LRRC7: variants seen among roughly 807,000 people sequenced by gnomAD.
LRRC7 encodes leucine-rich repeat-containing protein 7.
A neutral mutation model predicts 175.7 loss-of-function variants in LRRC7; 23 were observed. That is an observed-to-expected ratio of 0.13 (90% CI 0.09 to 0.19). The LOEUF (loss-of-function observed/expected upper bound fraction) is 0.19. LRRC7 is among the 10% of genes least tolerant of loss of function. The pLI, the probability that LRRC7 is intolerant of heterozygous loss-of-function variation, is 1.00. For synonymous variants in LRRC7, 685 were observed against 680.9 expected, an observed-to-expected ratio of 1.01 and a Z score of -0.09; for missense variants, 1,354 against 1,904.7, an observed-to-expected ratio of 0.71 and a Z score of 5.38.
At chr1:69,921,757 T>C (rs1346875290) in intron 7 of LRRC7, among the ~76,000 whole-genome samples, 2 of 152,182 alleles carry the variant, frequency 1.3e-5, no homozygotes, top group Non-Finnish European at 2.9e-5. Flanking sequence ...AAACCTGGTA[T>C]CTTTTTCCTA....
intron 8 of LRRC7, among the ~76,000 whole-genome samples, chr1:69,948,468 G>GTGGA (rs991466975): frequency 5.3e-5 from 8 of 152,130 alleles, no homozygotes; most frequent in African/African-American, 1.9e-4. Flanking sequence ...ATTTCCTCCA[G>GTGGA]TGGATTTTCC....
At chr1:69,891,084 G>A (rs1229271432) in intron 7 of LRRC7, among the ~76,000 whole-genome samples, 1 of 152,210 alleles carries the variant, frequency 6.6e-6, no homozygotes, top group Non-Finnish European at 1.5e-5. Context: ...TTCAAGAAAT[G>A]TTCCTTTGAA....
At chr1:69,683,316 A>G (rs771004875) in intron 2 of LRRC7, among the ~76,000 whole-genome samples, 6 of 152,162 alleles carry the variant, frequency 3.9e-5, no homozygotes, top group East Asian at 1.9e-4. Context: ...TATTCTGTGT[A>G]AGATTCTACC....
chr1:69,650,652 TTGTC>T (rs1279993309), intron 1 of LRRC7, among the ~76,000 whole-genome samples: 3 of 152,158 alleles, frequency 2.0e-5, no homozygotes, highest in Non-Finnish European at 2.9e-5. Flanking sequence ...TGTGAAGTCT[TTGTC>T]TGTGTTTGAT....
In LRRC7 at chr1:69,708,431, C is replaced by CCTTA. The variant is rs538604584; in HGVS notation, c.100+29954_100+29957dup. ...CGAGTTCCTTAAAATATACCACATA[C>CCTTA]CTTAGTGCCTTTTTGAACGTTGTTT... On this transcript the variant is annotated intron_variant, in intron 2 of 26. Transcript: ENST00000651989. Among the ~76,000 whole-genome samples, 27 of 152,246 alleles carry CCTTA rather than the reference C, an allele frequency of 1.8e-4. No homozygotes were observed. In the East Asian group the frequency reaches 5.0e-3, roughly 28 times the overall value.
intron 7 of LRRC7, among the ~76,000 whole-genome samples, chr1:69,854,252 C>A (rs923266591): frequency 1.3e-5 from 2 of 152,122 alleles, no homozygotes; most frequent in Non-Finnish European, 2.9e-5. Flanking sequence ...AATCCTAGCA[C>A]TTTGGGAGGC....
intron 8 of LRRC7, among the ~76,000 whole-genome samples, chr1:69,960,855 G>A (rs7556475): frequency 0.071 from 10,777 of 151,918 alleles, 405 homozygotes; most frequent in South Asian, 0.11. Context: ...GCCATATATG[G>A]CAAAACCACA....
intron 8 of LRRC7, among the ~76,000 whole-genome samples, chr1:69,969,894 C>T (rs1325333426): frequency 1.3e-5 from 2 of 152,114 alleles, no homozygotes; most frequent in Non-Finnish European, 1.5e-5. Context: ...AAATGAGCCT[C>T]AATAAATTCA....
At chr1:69,956,745 CTG>C (rs1403445918) in intron 8 of LRRC7, among the ~76,000 whole-genome samples, 5 of 151,500 alleles carry the variant, frequency 3.3e-5, no homozygotes, top group Non-Finnish European at 5.9e-5. Flanking sequence ...ATAAAACTAA[CTG>C]TAATATATTT....
chr1:70,039,368 G>A lies in LRRC7; in HGVS notation c.3544G>A (p.Gly1182Ser), dbSNP rs61734800. Residue 1182 changes from glycine to serine, a missense_variant, in exon 21 of 27, where the codon GGC becomes AGC. Physicochemically the swap from Gly to Ser is moderately conservative, Grantham distance 56. Transcript: ENST00000651989. Reference protein sequence around the residue: ...PHELPPTDRYGRPPYRGGLDR... With the variant: ...PHELPPTDRYSRPPYRGGLDR... ...TGAGCTGCCCCCAACTGATAGGTAC[G>A]GCAGACCCCCATATAGGGGAGGGCT... is the stretch of plus-strand genomic sequence containing the variant. The A allele has an allele frequency of 6.6e-4, 1,059 of 1,614,032 alleles. 9 individuals carry two copies. The African/African-American group carries it at 0.012, about 18-fold the overall frequency.
chr1:69,867,645 T>C (rs1470916634), intron 7 of LRRC7, among the ~76,000 whole-genome samples: 1 of 152,144 alleles, frequency 6.6e-6, no homozygotes, highest in Non-Finnish European at 1.5e-5. Context: ...GGCAGTGGAA[T>C]GTGGAATACA....
intron 2 of LRRC7, among the ~76,000 whole-genome samples, chr1:69,713,321 C>CAA (rs35881173): frequency 6.7e-6 from 1 of 149,400 alleles, no homozygotes; most frequent in Admixed American, 6.7e-5. Flanking sequence ...CTTGGTCTCT[C>CAA]AAAAAAAAAT....
Position 70,097,454 on chromosome 1 carries a change from CT to C in LRRC7, c.4545+7643del, listed in dbSNP as rs944675952. ...TTAAAGAAAGTTTCACTGAATTTTTCTTTTTTTTACCATTTTTTTATTGTAC... is the reference window on the plus strand; with the variant it reads ...TTAAAGAAAGTTTCACTGAATTTTTCTTTTTTTACCATTTTTTTATTGTAC... On this transcript the variant is annotated intron_variant, in intron 25 of 26. Coordinates refer to ENST00000651989, the MANE Select transcript of LRRC7 (RefSeq NM_001370785.2). Among the ~76,000 whole-genome samples, 14 of 152,014 alleles carry C rather than the reference CT, an allele frequency of 9.2e-5. 1 individual carries two copies. Among genetic ancestry groups the C allele is most frequent in the Non-Finnish European group, 1.5e-4 (10 of 67,946 alleles).
chr1:70,117,439 T>G (rs544601869), intron 26 of LRRC7, among the ~76,000 whole-genome samples: 135 of 152,222 alleles, frequency 8.9e-4, no homozygotes, highest in Non-Finnish European at 1.6e-3. Context: ...TATGATAGAT[T>G]GATGAGCTGT....
At chr1:69,678,349 T>G (rs1176702845) in intron 1 of LRRC7, 32 bp from the exon 2 acceptor site, 1 of 1,422,854 alleles carries the variant, frequency 7.0e-7, no homozygotes, top group Non-Finnish European at 9.7e-7. Context: ...AAAAAAAGAG[T>G]ATGAAAATAC....
chr1:69,717,078 CT>C (rs11331627), intron 2 of LRRC7, among the ~76,000 whole-genome samples: 66,701 of 150,878 alleles, frequency 0.44, 14,951 homozygotes, highest in Admixed American at 0.51. Flanking sequence ...TATATACATA[CT>C]TTTTTTTCAA....
rs567002103 is a variant in LRRC7, at chr1:69,654,083, A to C, written c.3-24298A>C. On this transcript the variant is annotated intron_variant, in intron 1 of 26. Coordinates refer to ENST00000651989, the MANE Select transcript of LRRC7 (RefSeq NM_001370785.2). Reference sequence around the variant, plus strand: ...AATAATCCTGTAATGTACACTTAAAAATTTGTTAAGAATTTAGATCTCATG... The same window carrying C: ...AATAATCCTGTAATGTACACTTAAACATTTGTTAAGAATTTAGATCTCATG... Among the ~76,000 whole-genome samples, 4 of 152,044 alleles carry C rather than the reference A, an allele frequency of 2.6e-5. No individual in the cohort carries two copies. In the East Asian group the frequency reaches 7.7e-4, roughly 29 times the overall value.
intron 26 of LRRC7, among the ~76,000 whole-genome samples, chr1:70,111,698 G>GA (rs796590369): frequency 1.5e-4 from 23 of 152,026 alleles, no homozygotes; most frequent in African/African-American, 5.5e-4. Context: ...GAATAGACTG[G>GA]AAAAAAATAC....
At chr1:69,730,066 G>A (rs1280433540) in intron 2 of LRRC7, among the ~76,000 whole-genome samples, 1 of 152,220 alleles carries the variant, frequency 6.6e-6, no homozygotes, top group Non-Finnish European at 1.5e-5. Flanking sequence ...TTTAGCCAAG[G>A]CTAGAGCAGC....
Sources: allele counts gnomAD v4.1 joint callset (sites outside exome capture counted in the v4.1 genomes callset), GRCh38; gene constraint gnomAD v4.1.1; transcripts MANE v1.5; gene names NCBI Gene and HGNC (gene_info 2026-07-23, HGNC 2026-07-21).